The following PHEX variants were observed in gnomAD, a reference collection of about 807,000 sequenced individuals.
PHEX encodes phosphate regulating endopeptidase X-linked.
In PHEX, 16 loss-of-function variants were observed where a neutral mutation model predicts 68.0. That is an observed-to-expected ratio of 0.24 (90% confidence interval 0.16 to 0.36). The LOEUF (loss-of-function observed/expected upper bound fraction) is 0.36. Among genes scored for constraint, PHEX ranks in the 10% least tolerant of loss-of-function variants. The pLI, the probability that PHEX is intolerant of heterozygous loss-of-function variation, is 1.00. For synonymous variants in PHEX, 208 were observed against 205.1 expected (o/e 1.01, Z -0.12); for missense variants, 480 against 575.5 (o/e 0.83, Z 1.70).
intron 10 of PHEX, among the ~76,000 whole-genome samples, chrX:22,112,795 C>T (rs1280171594): frequency 1.8e-5 from 2 of 110,031 alleles, no homozygotes; most frequent in African/African-American, 3.3e-5. Context: ...CCCAGCTACT[C>T]GGGGGGCTGA....
chrX:22,211,701 T>A (rs1028108714), intron 15 of PHEX, among the ~76,000 whole-genome samples: 2 of 112,510 alleles, frequency 1.8e-5, no homozygotes, highest in African/African-American at 6.5e-5. Flanking sequence ...TATAAGTCTG[T>A]TCTCACACTG....
At chrX:22,218,082 C>T (rs945833315) in intron 16 of PHEX, among the ~76,000 whole-genome samples, 1 of 110,010 alleles carries the variant, frequency 9.1e-6, no homozygotes, top group Admixed American at 9.7e-5. Context: ...TGGGCTGGCT[C>T]TCGTGGCTGG....
chrX:22,098,764 C>T (rs895021129), intron 8 of PHEX, among the ~76,000 whole-genome samples: 1 of 84,321 alleles, frequency 1.2e-5, no homozygotes, highest in Non-Finnish European at 2.1e-5. Context: ...TGCCACTGCA[C>T]TCCAGCCTGG....
At chrX:22,238,575 G>GGAGTT (rs1465363098) in intron 20 of PHEX, among the ~76,000 whole-genome samples, 1 of 111,649 alleles carries the variant, frequency 9.0e-6, no homozygotes, top group African/African-American at 3.3e-5. Context: ...GCTTAAGCTT[G>GGAGTT]GAGTTGGGAG....
intron 20 of PHEX, among the ~76,000 whole-genome samples, chrX:22,241,621 A>G (rs1186535252): frequency 8.9e-6 from 1 of 112,242 alleles, no homozygotes; most frequent in Non-Finnish European, 1.9e-5. Context: ...AATACAGTCT[A>G]CCATCAGAGA....
intron 12 of PHEX, among the ~76,000 whole-genome samples, chrX:22,164,643 G>A (rs1933251013): frequency 1.8e-5 from 2 of 111,963 alleles, no homozygotes; most frequent in South Asian, 7.4e-4. Flanking sequence ...CCGTTCGTTC[G>A]TTCTTTTCTT....
intron 11 of PHEX, among the ~76,000 whole-genome samples, chrX:22,130,794 G>T (rs1931960726): frequency 9.1e-6 from 1 of 109,985 alleles, no homozygotes; most frequent in Non-Finnish European, 1.9e-5. Flanking sequence ...TCAGGTCCTG[G>T]CTCTGGTCCT....
intron 14 of PHEX, among the ~76,000 whole-genome samples, chrX:22,185,656 T>C (rs778756670): frequency 9.0e-6 from 1 of 111,258 alleles, no homozygotes; most frequent in South Asian, 3.9e-4. Context: ...TGCTGTGTGA[T>C]AAACCTCCCC....
chrX:22,063,918 C>T (rs1196820984), intron 3 of PHEX, among the ~76,000 whole-genome samples: 1 of 112,432 alleles, frequency 8.9e-6, no homozygotes, highest in Non-Finnish European at 1.9e-5. Context: ...TATTTGACTT[C>T]AAATTAAGCC....
intron 12 of PHEX, among the ~76,000 whole-genome samples, chrX:22,151,095 A>G (rs188611371): frequency 1.2e-3 from 138 of 112,393 alleles, no homozygotes; most frequent in Middle Eastern, 9.2e-3. Context: ...TATTTTGGCT[A>G]TCTGAGAGGT....
At chrX:22,163,770 GC>G (rs751884162) in intron 12 of PHEX, among the ~76,000 whole-genome samples, 12 of 111,857 alleles carry the variant, frequency 1.1e-4, no homozygotes, top group Non-Finnish European at 2.1e-4. Context: ...CTAATACTTT[GC>G]CCTTCAAGCC....
chrX:22,195,524 G>T (rs1197551765), intron 15 of PHEX, among the ~76,000 whole-genome samples: 1 of 110,030 alleles, frequency 9.1e-6, no homozygotes, highest in East Asian at 2.8e-4. Flanking sequence ...GAACCCAAAA[G>T]GCGGAGGTTG....
At chrX:22,224,280 G>A (rs1007396298) in intron 18 of PHEX, among the ~76,000 whole-genome samples, 3 of 111,992 alleles carry the variant, frequency 2.7e-5, no homozygotes, top group Non-Finnish European at 5.6e-5. Flanking sequence ...ACCGCACCCA[G>A]CCCAGGTCAG....
intron 9 of PHEX, among the ~76,000 whole-genome samples, chrX:22,099,827 C>CT (rs1213035028): frequency 8.9e-6 from 1 of 112,164 alleles, no homozygotes; most frequent in Non-Finnish European, 1.9e-5. Context: ...TTACAAAACA[C>CT]TTTACTGAGT....
chrX:22,138,766 C>G (rs139811071), intron 12 of PHEX, among the ~76,000 whole-genome samples: 1 of 112,364 alleles, frequency 8.9e-6, no homozygotes, highest in Non-Finnish European at 1.9e-5. Context: ...GATTCTAGCA[C>G]ATTTGCATAA....
chrX:22,145,636 A>G (rs1932664610), intron 12 of PHEX, among the ~76,000 whole-genome samples: 1 of 109,295 alleles, frequency 9.1e-6, no homozygotes, highest in Admixed American at 9.8e-5. Context: ...AAAAAAAGTT[A>G]CCCAGGAGAT....
intron 10 of PHEX, among the ~76,000 whole-genome samples, chrX:22,113,047 G>GTGTGTT (rs1556030021): frequency 2.2e-5 from 2 of 90,299 alleles, no homozygotes; most frequent in Admixed American, 1.1e-4. Context: ...GTGTGTGTGT[G>GTGTGTT]TGTGTGTTTG....
chrX:22,225,616 A>G (rs927185121), intron 18 of PHEX, among the ~76,000 whole-genome samples: 1 of 112,344 alleles, frequency 8.9e-6, no homozygotes. Context: ...GTGTCCCAAT[A>G]AAACTTGATT....
At chrX:22,115,939 AT>A (rs1931215544) in intron 11 of PHEX, among the ~76,000 whole-genome samples, 1 of 112,403 alleles carries the variant, frequency 8.9e-6, no homozygotes, top group Non-Finnish European at 1.9e-5. Context: ...TCTTTCTTCC[AT>A]ATACTGATTT....
Sources: gnomAD v4.1 joint callset for allele counts (sites outside exome capture counted in the v4.1 genomes callset) on GRCh38, gnomAD v4.1.1 for gene constraint, MANE v1.5 for transcripts, NCBI Gene and HGNC (gene_info 2026-07-23, HGNC 2026-07-21) for gene names.